Variants in NRG3 observed in about 807,000 individuals in gnomAD.
The protein encoded by NRG3 is neuregulin 3.
NRG3 carries 31 observed loss-of-function variants against 66.9 expected under a neutral mutation model. The observed-to-expected ratio is 0.46, with a 90% confidence interval of 0.35 to 0.63. The LOEUF is 0.63. Ranked by LOEUF, NRG3 falls within the 20% of genes least tolerant of loss-of-function variation. The pLI, the probability that NRG3 is intolerant of heterozygous loss-of-function variation, is 0.00. For synonymous variants in NRG3, 393 were observed against 359.4 expected, an observed-to-expected ratio of 1.09 and a Z score of -1.06; for missense variants, 910 against 878.9, an observed-to-expected ratio of 1.04 and a Z score of -0.45.
Position 82,513,898 on chromosome 10 carries a change from C to T in NRG3, c.953+155030C>T, listed in dbSNP as rs148439327. Among the ~76,000 whole-genome samples, 44 of 152,252 alleles carry T rather than the reference C, an allele frequency of 2.9e-4. No individual in the cohort carries two copies. The East Asian group carries it at 7.3e-3, about 25-fold the overall frequency. On this transcript the variant is annotated intron_variant, in intron 2 of 8. Transcript: ENST00000372141. ...TTCTGACTGGCATGAGATGAGATGG[C>T]ATCTCATTGTGGTTTTGATTTGAAT...
At chr10:82,702,329 G>A (rs1346066636) in intron 2 of NRG3, among the ~76,000 whole-genome samples, 6 of 152,088 alleles carry the variant, frequency 3.9e-5, no homozygotes, top group Non-Finnish European at 5.9e-5. Flanking sequence ...GAAACAAATT[G>A]TTTATAAATT....
At chr10:82,114,892 C>T (rs1164646771) in intron 1 of NRG3, among the ~76,000 whole-genome samples, 5 of 152,144 alleles carry the variant, frequency 3.3e-5, no homozygotes, top group Admixed American at 1.3e-4. Flanking sequence ...AAGTACTCAA[C>T]GTGTTTGCTA....
At chr10:82,012,761 C>A (rs534247658) in intron 1 of NRG3, among the ~76,000 whole-genome samples, 1 of 152,224 alleles carries the variant, frequency 6.6e-6, no homozygotes, top group African/African-American at 2.4e-5. Context: ...CAAAATGTGA[C>A]CAGTCTGTTT....
intron 1 of NRG3, chr10:81,877,856 A>G (rs1049097808): frequency 4.5e-5 from 67 of 1,498,712 alleles, no homozygotes; most frequent in Non-Finnish European, 5.0e-5. Flanking sequence ...TAGAAGGATA[A>G]AGGATTCATG....
intron 2 of NRG3, among the ~76,000 whole-genome samples, chr10:82,558,011 G>A (rs1188388294): frequency 6.6e-6 from 1 of 152,160 alleles, no homozygotes; most frequent in African/African-American, 2.4e-5. Context: ...GCTCTAGGGA[G>A]GAAGGTCCTT....
At chr10:82,345,823 G>A (rs2082981823) in intron 1 of NRG3, among the ~76,000 whole-genome samples, 1 of 151,328 alleles carries the variant, frequency 6.6e-6, no homozygotes, top group Admixed American at 6.6e-5. Flanking sequence ...TCTCTTTGAA[G>A]CAATTGTGAA....
chr10:82,938,215 T>C (rs1848260537), intron 4 of NRG3, among the ~76,000 whole-genome samples: 1 of 152,216 alleles, frequency 6.6e-6, no homozygotes, highest in Non-Finnish European at 1.5e-5. Context: ...TGGTCCAGAC[T>C]GGATGCTCTA....
At chr10:82,655,759 T>G (rs188150044) in intron 2 of NRG3, among the ~76,000 whole-genome samples, 1 of 152,334 alleles carries the variant, frequency 6.6e-6, no homozygotes, top group African/African-American at 2.4e-5. Flanking sequence ...TCAATTATCA[T>G]GTGTCCATAA....
In NRG3 at chr10:82,260,448, A is replaced by G. The variant is rs1589503955; in HGVS notation, c.824-98291A>G. On this transcript the variant is annotated intron_variant, in intron 1 of 8. Transcript: ENST00000372141. ...AGGCATCATATTCCTTCAACTTTCCAGGAAATCTCAATTATATCTGGAATT... is the reference window on the plus strand; with the variant it reads ...AGGCATCATATTCCTTCAACTTTCCGGGAAATCTCAATTATATCTGGAATT... Among the ~76,000 whole-genome samples, 3 of 152,320 alleles carry G rather than the reference A, an allele frequency of 2.0e-5. No homozygotes were observed. In the South Asian group the frequency reaches 6.2e-4, roughly 32 times the overall value.
chr10:82,829,138 A>G (rs1246867975), intron 3 of NRG3, among the ~76,000 whole-genome samples: 2 of 152,104 alleles, frequency 1.3e-5, no homozygotes, highest in Non-Finnish European at 2.9e-5. Context: ...CCTTTTGTGT[A>G]TAGTTCCTCA....
At chr10:82,012,753 AAATGTGACCAGTCTGTTTGTT>A (rs1170268632) in intron 1 of NRG3, among the ~76,000 whole-genome samples, 1 of 152,176 alleles carries the variant, frequency 6.6e-6, no homozygotes, top group African/African-American at 2.4e-5. Context: ...GGCAGGGGCA[AAATGTGACCAGTCTGTTTGTT>A]AAAGCATAAA....
At chr10:82,256,799 G>A (rs2077751535) in intron 1 of NRG3, among the ~76,000 whole-genome samples, 2 of 152,186 alleles carry the variant, frequency 1.3e-5, no homozygotes, top group African/African-American at 2.4e-5. Context: ...CAATGGAAGA[G>A]GAAGGACCAG....
chr10:82,559,732 A>G (rs1304105998), intron 2 of NRG3, among the ~76,000 whole-genome samples: 1 of 152,236 alleles, frequency 6.6e-6, no homozygotes, highest in African/African-American at 2.4e-5. Flanking sequence ...CATTTTATGT[A>G]CACTAAATAT....
intron 1 of NRG3, among the ~76,000 whole-genome samples, chr10:82,115,580 C>G (rs562358436): frequency 1.1e-4 from 16 of 152,094 alleles, no homozygotes; most frequent in Non-Finnish European, 1.2e-4. Flanking sequence ...ATCAGGGTAT[C>G]TGGGGCTTGG....
intron 1 of NRG3, among the ~76,000 whole-genome samples, chr10:82,030,168 A>G (rs911539785): frequency 2.6e-5 from 4 of 152,080 alleles, no homozygotes; most frequent in Non-Finnish European, 5.9e-5. Flanking sequence ...TCCATAAACA[A>G]TGACACCTTT....
chr10:82,130,990 G>T (rs183630924), intron 1 of NRG3, among the ~76,000 whole-genome samples: 5 of 152,202 alleles, frequency 3.3e-5, no homozygotes, highest in East Asian at 1.9e-4. Flanking sequence ...CATTCTGTAG[G>T]TTGTCAATTC....
intron 1 of NRG3, among the ~76,000 whole-genome samples, chr10:82,069,168 G>T (rs980736463): frequency 6.6e-6 from 1 of 152,188 alleles, no homozygotes; most frequent in African/African-American, 2.4e-5. Context: ...TTAGATGGCT[G>T]TGCAGGCCTA....
rs1847386331 is a variant in NRG3 at position 81,931,909 on chromosome 10, TAA to T, written c.823+55750_823+55751del. 2.0e-5 allele frequency among the ~76,000 whole-genome samples: 3 copies of T among 152,162 alleles called. No homozygotes were observed. The South Asian group carries it at 6.2e-4, about 32-fold the overall frequency. The stretch of plus-strand genomic sequence containing the variant: ...AAAACAATGCCATTACATCTCCCAT[TAA>T]AAAGAGTCTGAACTCTGGGCAATTC... On this transcript the variant is annotated intron_variant, in intron 1 of 8. Coordinates refer to ENST00000372141, the MANE Select transcript of NRG3 (RefSeq NM_001010848.4).
chr10:82,536,657 C>A (rs1847842589), intron 2 of NRG3, among the ~76,000 whole-genome samples: 1 of 124,098 alleles, frequency 8.1e-6, no homozygotes, highest in African/African-American at 4.2e-5. Flanking sequence ...TAATTCCCAG[C>A]CAAGAAATTG....
Sources: allele counts gnomAD v4.1 joint callset (sites outside exome capture counted in the v4.1 genomes callset), GRCh38; gene constraint gnomAD v4.1.1; transcripts MANE v1.5; gene names NCBI Gene and HGNC (gene_info 2026-07-23, HGNC 2026-07-21).